The following RELN variants were observed in gnomAD, a reference collection of about 807,000 sequenced individuals.
RELN encodes reelin.
In RELN, 108 loss-of-function variants were observed where a neutral mutation model predicts 427.6. The ratio of observed to expected loss-of-function variants is 0.25; its 90% confidence interval spans 0.22 to 0.30. The LOEUF (loss-of-function observed/expected upper bound fraction) is 0.30. Ranked by LOEUF, RELN falls within the 10% of genes least tolerant of loss-of-function variation. The pLI is 1.00. For missense variants in RELN, 3,715 were observed against 4,302.8 expected, an observed-to-expected ratio of 0.86 and a Z score of 3.82; for synonymous variants, 1,524 against 1,513.4, an observed-to-expected ratio of 1.01 and a Z score of -0.16.
intron 28 of RELN, among the ~76,000 whole-genome samples, chr7:103,577,558 CAAAAA>C (rs11323336): frequency 2.6e-5 from 3 of 113,604 alleles, no homozygotes; most frequent in Non-Finnish European, 3.6e-5. Flanking sequence ...AAAGCAAAAG[CAAAAA>C]AAAAAAAAAA....
chr7:103,820,502 CTATG>C (rs1792987339), intron 3 of RELN, among the ~76,000 whole-genome samples: 2 of 151,276 alleles, frequency 1.3e-5, no homozygotes, highest in Non-Finnish European at 1.5e-5. Context: ...CCCAAATATC[CTATG>C]TGAGTATGTG....
At chr7:103,888,057 C>T (rs180951466) in intron 2 of RELN, among the ~76,000 whole-genome samples, 2 of 152,158 alleles carry the variant, frequency 1.3e-5, no homozygotes, top group Non-Finnish European at 2.9e-5. Flanking sequence ...TTTTCACTAC[C>T]TTACCCTGCC....
chr7:103,665,899 A>C (rs74945832), intron 11 of RELN, among the ~76,000 whole-genome samples: 3 of 71,982 alleles, frequency 4.2e-5, no homozygotes, highest in East Asian at 8.5e-4. Flanking sequence ...ATTAATCTTT[A>C]TTTCTTTTTA....
chr7:103,868,613 C>A lies in RELN; in HGVS notation c.338-34941G>T, dbSNP rs73712269. 6.3e-3 allele frequency among the ~76,000 whole-genome samples: 952 copies of A among 152,166 alleles called. 13 individuals carry two copies. The highest frequency in any genetic ancestry group is 0.022 in the African/African-American group (897 of 41,534). On this transcript the variant is annotated intron_variant, in intron 2 of 64. Transcript: ENST00000428762. ...GACAGGACTAAACAACAATAATAATCTTTCCTTTTTTTGCCCGGTATGCTA... is the reference window on the plus strand; with the variant it reads ...GACAGGACTAAACAACAATAATAATATTTCCTTTTTTTGCCCGGTATGCTA...
At chr7:103,985,355 C>T (rs972516874) in intron 1 of RELN, among the ~76,000 whole-genome samples, 2 of 152,174 alleles carry the variant, frequency 1.3e-5, no homozygotes, top group African/African-American at 4.8e-5. Flanking sequence ...CCATCTTATG[C>T]TACCATAGTA....
Position 103,602,448 on chromosome 7 carries a change from T to C in RELN, c.3333+856A>G, listed in dbSNP as rs554616201. On this transcript the variant is annotated intron_variant, in intron 24 of 64. Transcript: ENST00000428762. ...AACCAATCCAAATGCCCATCAATGA[T>C]AGACTGGATAAAGAAAATGTGGCAC... Among the ~76,000 whole-genome samples the C allele has an allele frequency of 5.9e-5, 9 of 152,280 alleles. No individual in the cohort carries two copies. The South Asian group carries it at 1.0e-3, about 18-fold the overall frequency.
intron 1 of RELN, among the ~76,000 whole-genome samples, chr7:103,936,095 A>G (rs1452451301): frequency 1.8e-5 from 2 of 110,178 alleles, no homozygotes; most frequent in East Asian, 3.6e-4. Flanking sequence ...AATTGCTTCA[A>G]TGGCTTTTTT....
At chr7:103,487,648 C>G (rs1222799824) in intron 60 of RELN, among the ~76,000 whole-genome samples, 1 of 152,158 alleles carries the variant, frequency 6.6e-6, no homozygotes, top group Non-Finnish European at 1.5e-5. Context: ...CAGCATCTGG[C>G]TGGGCCTTGA....
chr7:103,646,935 A>G (rs1360124632), intron 16 of RELN, among the ~76,000 whole-genome samples: 1 of 152,026 alleles, frequency 6.6e-6, no homozygotes, highest in African/African-American at 2.4e-5. Flanking sequence ...GTTTCATTCC[A>G]GGGATGCAAG....
At chr7:103,674,142 C>T (rs1301963551) in intron 11 of RELN, among the ~76,000 whole-genome samples, 1 of 152,124 alleles carries the variant, frequency 6.6e-6, no homozygotes, top group Non-Finnish European at 1.5e-5. Flanking sequence ...TTCCAGCTCA[C>T]TAATTTGTTA....
intron 16 of RELN, among the ~76,000 whole-genome samples, chr7:103,648,609 A>C (rs75754100): frequency 0.018 from 2,684 of 152,256 alleles, 34 homozygotes; most frequent in African/African-American, 0.037. Flanking sequence ...TTAAGCCCAA[A>C]GTTTCTGCAC....
In RELN at chr7:103,618,026, A is replaced by C. The variant is rs574571182; in HGVS notation, c.2703-6223T>G. Among the ~76,000 whole-genome samples, 9 of 152,280 alleles carry C rather than the reference A, an allele frequency of 5.9e-5. No homozygotes were observed. In the East Asian group the frequency reaches 1.7e-3, roughly 29 times the overall value. On this transcript the variant is annotated intron_variant, in intron 20 of 64. Coordinates refer to ENST00000428762, the MANE Select transcript of RELN (RefSeq NM_005045.4). ...TCCCTCACCACAGGCAAATGTCGGC[A>C]CTGTACTTCTTGTACAGTCTGCAGA...
At chr7:103,885,584 G>A (rs1452773062) in intron 2 of RELN, among the ~76,000 whole-genome samples, 1 of 152,068 alleles carries the variant, frequency 6.6e-6, no homozygotes, top group African/African-American at 2.4e-5. Flanking sequence ...ACCGGGGCCT[G>A]TTGTGGGTTG....
chr7:103,739,212 G>A (rs1429515072), intron 6 of RELN, among the ~76,000 whole-genome samples: 10 of 152,092 alleles, frequency 6.6e-5, no homozygotes, highest in African/African-American at 2.2e-4. Context: ...ATAAAATACT[G>A]GCACTGTTTA....
intron 6 of RELN, among the ~76,000 whole-genome samples, chr7:103,743,924 CT>C (rs1419985624): frequency 6.6e-6 from 1 of 152,218 alleles, no homozygotes; most frequent in Non-Finnish European, 1.5e-5. Context: ...TAATAGACAT[CT>C]ACAGAACTCT....
At chr7:103,579,216 A>G (rs1831071199) in intron 28 of RELN, among the ~76,000 whole-genome samples, 1 of 152,236 alleles carries the variant, frequency 6.6e-6, no homozygotes, top group African/African-American at 2.4e-5. Flanking sequence ...AGCATCTGAT[A>G]GAGGTCTTGA....
intron 28 of RELN, among the ~76,000 whole-genome samples, chr7:103,587,088 A>G (rs1475806508): frequency 6.6e-6 from 1 of 152,194 alleles, no homozygotes; most frequent in Non-Finnish European, 1.5e-5. Flanking sequence ...AATCCTAAAC[A>G]AAAAGGATGC....
intron 2 of RELN, among the ~76,000 whole-genome samples, chr7:103,902,186 C>G (rs1198898229): frequency 6.6e-6 from 1 of 151,876 alleles, no homozygotes; most frequent in Non-Finnish European, 1.5e-5. Flanking sequence ...TAGAGCTGGT[C>G]GTTTGTCCCA....
intron 3 of RELN, among the ~76,000 whole-genome samples, chr7:103,817,182 A>G (rs2116359402): frequency 6.6e-6 from 1 of 152,316 alleles, no homozygotes; most frequent in Non-Finnish European, 1.5e-5. Flanking sequence ...GTTTGTATAC[A>G]TATTGATTCT....
Sources: allele counts gnomAD v4.1 joint callset (sites outside exome capture counted in the v4.1 genomes callset), GRCh38; gene constraint gnomAD v4.1.1; transcripts MANE v1.5; gene names NCBI Gene and HGNC (gene_info 2026-07-23, HGNC 2026-07-21).